Variants in MTUS2 observed in about 807,000 individuals in gnomAD.
The protein encoded by MTUS2 is microtubule associated scaffold protein 2.
MTUS2 carries 40 observed loss-of-function variants against 114.1 expected under a neutral mutation model. The observed-to-expected ratio is 0.35, with a 90% confidence interval of 0.27 to 0.46. MTUS2 has a LOEUF of 0.46. Among genes scored for constraint, MTUS2 ranks in the 20% least tolerant of loss-of-function variants. The pLI, the probability that MTUS2 is intolerant of heterozygous loss-of-function variation, is 1.00. For synonymous variants in MTUS2, 688 were observed against 672.0 expected, an observed-to-expected ratio of 1.02 and a Z score of -0.37; for missense variants, 1,679 against 1,705.4, an observed-to-expected ratio of 0.98 and a Z score of 0.27.
At chr13:29,464,177 G>C (rs1027208306) in intron 9 of MTUS2, among the ~76,000 whole-genome samples, 5 of 152,226 alleles carry the variant, frequency 3.3e-5, no homozygotes, top group Admixed American at 2.0e-4. Context: ...GGGAACAGGT[G>C]TGGAGAGGAC....
intron 5 of MTUS2, among the ~76,000 whole-genome samples, chr13:29,244,722 C>T (rs1453398975): frequency 6.6e-6 from 1 of 151,672 alleles, no homozygotes; most frequent in Non-Finnish European, 1.5e-5. Flanking sequence ...TTTGGGAGGC[C>T]GAGGCGGGCG....
intron 9 of MTUS2, among the ~76,000 whole-genome samples, chr13:29,453,378 A>G (rs1004453475): frequency 2.0e-5 from 3 of 152,208 alleles, no homozygotes; most frequent in Admixed American, 6.5e-5. Flanking sequence ...GGGGAATTCA[A>G]CTGCTTCATT....
chr13:29,376,815 A>T (rs1871785671), intron 8 of MTUS2, among the ~76,000 whole-genome samples: 1 of 152,134 alleles, frequency 6.6e-6, no homozygotes, highest in Non-Finnish European at 1.5e-5. Flanking sequence ...AAAGATAAAG[A>T]TTGTCATAGT....
intron 8 of MTUS2, among the ~76,000 whole-genome samples, chr13:29,379,035 TCTC>T (rs1871980447): frequency 6.6e-6 from 1 of 152,176 alleles, no homozygotes; most frequent in South Asian, 2.1e-4. Context: ...GCTCTGTACT[TCTC>T]CTTCCTGCTG....
At chr13:29,085,514 A>G (rs1227825654) in intron 4 of MTUS2, among the ~76,000 whole-genome samples, 1 of 152,006 alleles carries the variant, frequency 6.6e-6, no homozygotes, top group Non-Finnish European at 1.5e-5. Flanking sequence ...TTTAGTTCCC[A>G]TTTACAGATG....
At chr13:29,392,422 A>G (rs1232709334) in intron 8 of MTUS2, among the ~76,000 whole-genome samples, 1 of 152,186 alleles carries the variant, frequency 6.6e-6, no homozygotes, top group Non-Finnish European at 1.5e-5. Context: ...GGATCTGTGC[A>G]GAGTGCAGGC....
intron 2 of MTUS2, among the ~76,000 whole-genome samples, chr13:28,877,597 G>A (rs1210254808): frequency 2.6e-5 from 4 of 152,088 alleles, no homozygotes; most frequent in East Asian, 1.9e-4. Flanking sequence ...ATTACTCATC[G>A]AAACTTGTTC....
intron 1 of MTUS2, among the ~76,000 whole-genome samples, chr13:28,833,764 G>A (rs975781022): frequency 3.5e-4 from 53 of 152,202 alleles, no homozygotes; most frequent in African/African-American, 1.3e-3. Flanking sequence ...TTATCTCTTT[G>A]CAGATGACAT....
intron 5 of MTUS2, among the ~76,000 whole-genome samples, chr13:29,157,763 T>C (rs1645699232): frequency 6.6e-6 from 1 of 152,144 alleles, no homozygotes; most frequent in South Asian, 2.1e-4. Flanking sequence ...AGCAAATCTT[T>C]ATACCTAGGT....
At chr13:28,870,887 G>A (rs893329365) in intron 2 of MTUS2, among the ~76,000 whole-genome samples, 1 of 152,142 alleles carries the variant, frequency 6.6e-6, no homozygotes, top group Admixed American at 6.6e-5. Flanking sequence ...AAAGAATTCT[G>A]CCTCTATTTA....
At chr13:29,452,553 A>G (rs1878764795) in intron 9 of MTUS2, among the ~76,000 whole-genome samples, 1 of 141,536 alleles carries the variant, frequency 7.1e-6, no homozygotes, top group South Asian at 2.4e-4. Context: ...ACTACACCCA[A>G]CTGTGTATAT....
At chr13:29,455,045 A>G (rs1316651507) in intron 9 of MTUS2, among the ~76,000 whole-genome samples, 2 of 152,238 alleles carry the variant, frequency 1.3e-5, no homozygotes, top group Non-Finnish European at 2.9e-5. Context: ...GAGTCAGCTT[A>G]CTGCCTGGGG....
At chr13:28,938,048 A>C (rs1259740646) in intron 2 of MTUS2, among the ~76,000 whole-genome samples, 1 of 152,192 alleles carries the variant, frequency 6.6e-6, no homozygotes, top group Non-Finnish European at 1.5e-5. Flanking sequence ...GCTCCTGAGA[A>C]TATAACAAAG....
At chr13:28,915,280 A>G (rs952501674) in intron 2 of MTUS2, among the ~76,000 whole-genome samples, 9 of 151,958 alleles carry the variant, frequency 5.9e-5, no homozygotes, top group Non-Finnish European at 1.5e-5. Context: ...GCTCTTCAAT[A>G]TACTGCTTTC....
intron 2 of MTUS2, among the ~76,000 whole-genome samples, chr13:29,007,875 T>TG (rs1885668396): frequency 6.6e-6 from 1 of 152,212 alleles, no homozygotes; most frequent in African/African-American, 2.4e-5. Context: ...AGTTAAGTTT[T>TG]GGGGGAATCA....
intron 5 of MTUS2, among the ~76,000 whole-genome samples, chr13:29,278,148 T>C (rs1410498960): frequency 6.6e-6 from 1 of 152,188 alleles, no homozygotes; most frequent in Non-Finnish European, 1.5e-5. Flanking sequence ...CTCTTCCCCA[T>C]GTAACATTCT....
intron 5 of MTUS2, among the ~76,000 whole-genome samples, chr13:29,268,188 C>T (rs1211786585): frequency 6.6e-6 from 1 of 152,022 alleles, no homozygotes; most frequent in Non-Finnish European, 1.5e-5. Context: ...TGATAGGCAT[C>T]AGATTTAAGG....
At chr13:28,863,086 G>A (rs1170423920) in intron 2 of MTUS2, among the ~76,000 whole-genome samples, 3 of 152,244 alleles carry the variant, frequency 2.0e-5, no homozygotes, top group East Asian at 1.9e-4. Flanking sequence ...CTTTTGTTTC[G>A]AAACATTCCA....
intron 6 of MTUS2, among the ~76,000 whole-genome samples, chr13:29,319,563 A>G (rs768807276): frequency 6.6e-6 from 1 of 152,176 alleles, no homozygotes; most frequent in Non-Finnish European, 1.5e-5. Context: ...ATCTTGTTTC[A>G]TTCTCAAGCC....
Sources: allele counts gnomAD v4.1 joint callset (sites outside exome capture counted in the v4.1 genomes callset), GRCh38; gene constraint gnomAD v4.1.1; transcripts MANE v1.5; gene names NCBI Gene and HGNC (gene_info 2026-07-23, HGNC 2026-07-21).